TDG: variants seen among roughly 807,000 people sequenced by gnomAD.
TDG encodes the protein thymine DNA glycosylase.
A neutral mutation model predicts 46.1 loss-of-function variants in TDG; 23 were observed. That is an observed-to-expected ratio of 0.50 (90% confidence interval 0.36 to 0.71). The LOEUF (loss-of-function observed/expected upper bound fraction) is 0.71. Among genes scored for constraint, TDG ranks in the 30% least tolerant of loss-of-function variants. TDG has a pLI of 0.00. For missense variants in TDG, 304 were observed against 486.7 expected, an observed-to-expected ratio of 0.62 and a Z score of 3.53; for synonymous variants, 115 against 161.3, an observed-to-expected ratio of 0.71 and a Z score of 2.18.
At chr12:103,974,974 CAAAA>C (rs34864393) in intron 1 of TDG, among the ~76,000 whole-genome samples, 3 of 77,232 alleles carry the variant, frequency 3.9e-5, no homozygotes, top group Non-Finnish European at 7.9e-5. Flanking sequence ...GACTCCGTCT[CAAAA>C]AAAAAAAAAA....
rs61756223 is a variant in TDG, at chr12:103,985,674, T to G, written c.1036T>G (p.Tyr346Asp). Residue 346 changes from tyrosine to aspartate, a missense_variant, in exon 9 of 10, where the codon TAC becomes GAC. Tyr to Asp is a radical substitution (Grantham distance 160, BLOSUM62 -3). Coordinates refer to ENST00000392872, the MANE Select transcript of TDG (RefSeq NM_003211.6). ...TTATGAGGCAGCATATGGTGGTGCT[T>G]ACGGAGAAAATCCATGCAGCAGTGA... Reference protein sequence around the residue: ...PGYEAAYGGAYGENPCSSEPC... With the variant: ...PGYEAAYGGADGENPCSSEPC... 4.8e-5 allele frequency: 77 copies of G among 1,614,008 alleles called. No homozygotes were observed. The highest frequency in any genetic ancestry group is 6.3e-5 in the Non-Finnish European group (74 of 1,179,968).
intron 4 of TDG, among the ~76,000 whole-genome samples, chr12:103,981,350 C>T (rs984220359): frequency 2.0e-5 from 3 of 150,720 alleles, no homozygotes; most frequent in Non-Finnish European, 2.9e-5. Flanking sequence ...ATTCTCCTGC[C>T]TCAGCCTCCC....
intron 9 of TDG, 156 bp from the exon 10 acceptor site, chr12:103,986,792 G>T (rs1566185205): frequency 5.9e-6 from 4 of 683,378 alleles, no homozygotes; most frequent in African/African-American, 5.4e-5. Flanking sequence ...GGCTAGGATG[G>T]GAGGATCACT....
chr12:103,980,198 G>T (rs747597510), intron 3 of TDG, 126 bp downstream of exon 3: 23 of 1,346,082 alleles, frequency 1.7e-5, no homozygotes, highest in East Asian at 9.5e-5. Context: ...GGTGGTAAAT[G>T]GTGTCAGCTT....
chr12:103,975,050 T>G (rs924616127), intron 1 of TDG, among the ~76,000 whole-genome samples: 2 of 151,862 alleles, frequency 1.3e-5, no homozygotes, highest in African/African-American at 4.8e-5. Context: ...AACTTTTCCA[T>G]TTTATTTTCT....
intron 4 of TDG, among the ~76,000 whole-genome samples, 168 bp downstream of exon 4, chr12:103,981,130 G>A (rs909889502): frequency 4.0e-5 from 6 of 150,664 alleles, no homozygotes; most frequent in Non-Finnish European, 8.9e-5. Context: ...AGTTTGAAAT[G>A]ATATGTTACT....
At chr12:103,983,952 T>A (rs1263533950) in intron 7 of TDG, among the ~76,000 whole-genome samples, 1 of 152,180 alleles carries the variant, frequency 6.6e-6, no homozygotes, top group Non-Finnish European at 1.5e-5. Context: ...TTGGTTCCAA[T>A]TTTGCTTCTT....
intron 2 of TDG, among the ~76,000 whole-genome samples, chr12:103,979,435 T>G (rs918988391): frequency 6.6e-6 from 1 of 152,100 alleles, no homozygotes; most frequent in Non-Finnish European, 1.5e-5. Context: ...GAAGTTGAGT[T>G]AAAATGTTTC....
chr12:103,980,716 C>T, intron 3 of TDG, 177 bp from the exon 4 acceptor site: 2 of 505,170 alleles, frequency 4.0e-6, no homozygotes, highest in East Asian at 3.2e-5. Context: ...AATCTCTTTC[C>T]CATATATGAA....
At chr12:103,977,212 T>C (rs1285670952) in intron 2 of TDG, 152 bp downstream of exon 2, 4 of 1,128,482 alleles carry the variant, frequency 3.5e-6, no homozygotes, top group Non-Finnish European at 4.9e-6. Context: ...TGATAGGTTC[T>C]GGGGAATAAA....
chr12:103,980,941 C>G lies in TDG; in HGVS notation c.457C>G (p.Pro153Ala). 2 of 1,613,148 alleles carry G rather than the reference C, an allele frequency of 1.2e-6. No homozygotes were observed. Among genetic ancestry groups the G allele is most frequent in the South Asian group, 1.1e-5 (1 of 90,874 alleles). Residue 153 changes from proline to alanine, a missense_variant, in exon 4 of 10, where the codon CCT (proline) becomes GCT (alanine). Physicochemically the swap from Pro to Ala is conservative, Grantham distance 27. Transcript: ENST00000392872. ...LMAAYKGHHY[P>A]GPGNHFWKCL... ...GGCTGCTTACAAAGGGCATCATTACCCTGGACCTGGAAACCATTTTTGTAA... is the reference window on the plus strand; with the variant it reads ...GGCTGCTTACAAAGGGCATCATTACGCTGGACCTGGAAACCATTTTTGTAA...
At chr12:103,972,609 T>C (rs1285723433) in intron 1 of TDG, among the ~76,000 whole-genome samples, 2 of 152,242 alleles carry the variant, frequency 1.3e-5, no homozygotes. Context: ...CTAACACATT[T>C]GATTTTCCAT....
Position 103,976,911 on chromosome 12 carries a change from C to G in TDG, c.24-7C>G. ...TCATTACATCTCATGCTTCATTATT[C>G]TTTCAGCTATTCCCTTCAGCAAGCT... On this transcript the variant is annotated splice_region_variant and splice_polypyrimidine_tract_variant and intron_variant, in intron 1 of 9. Transcript: ENST00000392872. 2 of 1,612,038 alleles carry G rather than the reference C, an allele frequency of 1.2e-6. No individual in the cohort carries two copies. Among genetic ancestry groups the G allele is most frequent in the South Asian group, 2.2e-5 (2 of 90,326 alleles).
In TDG at chr12:103,983,305, A is replaced by C. The variant is rs576336382; in HGVS notation, c.708A>C (p.Glu236Asp). The C allele has an allele frequency of 3.8e-6, 6 of 1,586,258 alleles. No homozygotes were observed. In the African/African-American group the frequency reaches 5.5e-5, roughly 14 times the overall value. The change falls in exon 7 of 10, where the codon GAA becomes GAC. Residue 236 changes from glutamate to aspartate, a missense_variant. Glu to Asp is a conservative substitution (Grantham distance 45). Coordinates refer to ENST00000392872, the MANE Select transcript of TDG (RefSeq NM_003211.6). ...TGTATTTCATTTTAGGTATTTATGA[A>C]ATTTTTAGTAAAGAAGTTTTTGGAG... ...IAVFNGKCIYEIFSKEVFGVK... is the reference protein window; with the variant it reads ...IAVFNGKCIYDIFSKEVFGVK...
chr12:103,966,093 C>T (rs375996909), intron 1 of TDG, 33 bp downstream of exon 1: 2 of 1,546,836 alleles, frequency 1.3e-6, no homozygotes, highest in African/African-American at 1.4e-5. Flanking sequence ...CCCTCCCTTG[C>T]GCCCCTCACT....
intron 1 of TDG, among the ~76,000 whole-genome samples, chr12:103,969,314 TCTAG>T (rs1405033190): frequency 6.6e-6 from 1 of 152,208 alleles, no homozygotes; most frequent in Non-Finnish European, 1.5e-5. Flanking sequence ...AGTCTGCTTC[TCTAG>T]CTAGCAAATG....
At chr12:103,983,031 C>T (rs980109222) in intron 5 of TDG, 97 bp downstream of exon 5, 1 of 1,572,418 alleles carries the variant, frequency 6.4e-7, no homozygotes, top group Non-Finnish European at 8.6e-7. Context: ...TCAAGCTGAG[C>T]TCAACAAATG....
chr12:103,981,189 T>A (rs1313841779), intron 4 of TDG, among the ~76,000 whole-genome samples: 1 of 151,876 alleles, frequency 6.6e-6, no homozygotes, highest in Non-Finnish European at 1.5e-5. Flanking sequence ...AAGAGTACTT[T>A]CTCTTTTGTT....
intron 2 of TDG, among the ~76,000 whole-genome samples, chr12:103,978,605 G>A (rs1028361812): frequency 2.0e-5 from 3 of 152,214 alleles, no homozygotes; most frequent in African/African-American, 7.2e-5. Context: ...CCTGTATCCT[G>A]CGAGGCTTGA....
Sources: allele counts gnomAD v4.1 joint callset (sites outside exome capture counted in the v4.1 genomes callset), GRCh38; gene constraint gnomAD v4.1.1; transcripts MANE v1.5; gene names NCBI Gene and HGNC (gene_info 2026-07-23, HGNC 2026-07-21).